SESN1: variants seen among roughly 807,000 people sequenced by gnomAD.
SESN1 encodes sestrin-1.
In SESN1, 30 loss-of-function variants were observed where a neutral mutation model predicts 59.3. The ratio of observed to expected loss-of-function variants is 0.51; its 90% CI spans 0.38 to 0.69. The LOEUF is 0.69. SESN1 is among the 30% of genes least tolerant of loss of function. SESN1 has a pLI of 0.00. For missense variants in SESN1, 566 were observed against 673.0 expected (o/e 0.84, Z 1.76); for synonymous variants, 197 against 219.9 (o/e 0.90, Z 0.92).
At chr6:108,992,980 A>G (rs930453135) in intron 6 of SESN1, 81 bp from the exon 7 acceptor site, 11 of 854,624 alleles carry the variant, frequency 1.3e-5, no homozygotes, top group Non-Finnish European at 2.1e-5. Flanking sequence ...TAAAAATGGC[A>G]TAACTCTTTC....
intron 1 of SESN1, among the ~76,000 whole-genome samples, chr6:109,057,639 T>C (rs887671455): frequency 5.9e-5 from 9 of 152,336 alleles, no homozygotes; most frequent in African/African-American, 2.2e-4. Flanking sequence ...CATTTAATGA[T>C]CCAGAAAAAA....
chr6:109,014,733 T>C (rs1779906513), intron 1 of SESN1, among the ~76,000 whole-genome samples: 1 of 152,192 alleles, frequency 6.6e-6, no homozygotes, highest in Non-Finnish European at 1.5e-5. Context: ...AGTGTCTCTT[T>C]CTGGGCCTTT....
At chr6:109,091,101 T>C (rs1281082407) in intron 1 of SESN1, among the ~76,000 whole-genome samples, 1 of 152,164 alleles carries the variant, frequency 6.6e-6, no homozygotes, top group Non-Finnish European at 1.5e-5. Context: ...GAAAAAATAA[T>C]CTTCCTATAA....
intron 1 of SESN1, among the ~76,000 whole-genome samples, chr6:109,030,376 G>A (rs908326201): frequency 6.6e-6 from 1 of 152,216 alleles, no homozygotes; most frequent in African/African-American, 2.4e-5. Context: ...TTATGTAAAG[G>A]TGTAGATTGC....
At chr6:109,022,477 C>A (rs1401029099) in intron 1 of SESN1, among the ~76,000 whole-genome samples, 1 of 120,188 alleles carries the variant, frequency 8.3e-6, no homozygotes, top group East Asian at 2.8e-4. Context: ...GGCTGGAGTG[C>A]AGTGGCGCGA....
chr6:109,074,533 A>G (rs2114469382), intron 1 of SESN1, among the ~76,000 whole-genome samples: 1 of 152,326 alleles, frequency 6.6e-6, no homozygotes, highest in South Asian at 2.1e-4. Context: ...GGGTAGCTCT[A>G]CAATAGCCAA....
At chr6:109,077,263 C>T (rs1350544676) in intron 1 of SESN1, among the ~76,000 whole-genome samples, 1 of 152,020 alleles carries the variant, frequency 6.6e-6, no homozygotes, top group African/African-American at 2.4e-5. Context: ...ATAATACATG[C>T]TCACTGTAAA....
chr6:109,046,242 C>A (rs1324055383), intron 1 of SESN1, among the ~76,000 whole-genome samples: 2 of 150,632 alleles, frequency 1.3e-5, no homozygotes, highest in Non-Finnish European at 3.0e-5. Flanking sequence ...TGCAGGCACG[C>A]GCCGCCACGC....
At chr6:108,989,570 G>T (rs1201632848) in intron 8 of SESN1, among the ~76,000 whole-genome samples, 1 of 125,122 alleles carries the variant, frequency 8.0e-6, no homozygotes, top group Admixed American at 7.5e-5. Context: ...TCTAGATCTA[G>T]AGATATCTAT....
At chr6:109,027,242 G>A (rs1252462117) in intron 1 of SESN1, among the ~76,000 whole-genome samples, 3 of 151,896 alleles carry the variant, frequency 2.0e-5, no homozygotes. Flanking sequence ...GGTGGCCGAG[G>A]TGGGCAGATT....
At chr6:108,990,458 A>G (rs533102373) in intron 8 of SESN1, among the ~76,000 whole-genome samples, 187 bp downstream of exon 8, 14 of 152,344 alleles carry the variant, frequency 9.2e-5, no homozygotes, top group African/African-American at 3.1e-4. Flanking sequence ...CTGCCTAGCT[A>G]GGAAAGAGAA....
Position 108,985,536 on chromosome 6 carries a change from T to A in SESN1, c.*2008A>T, listed in dbSNP as rs1308506230. ...AATGGAAGGCATTGAAACATTAACT[T>A]TGTATCACATGCACTTTTATTACTT... On this transcript the variant is annotated 3_prime_UTR_variant, in exon 10 of 10. Coordinates refer to ENST00000436639, the MANE Select transcript of SESN1 (RefSeq NM_014454.3). Among the ~76,000 whole-genome samples the A allele has an allele frequency of 6.6e-6, 1 of 152,224 alleles. No homozygotes were observed. The highest frequency in any genetic ancestry group is 1.9e-4 in the East Asian group (1 of 5,198).
intron 6 of SESN1, chr6:108,993,151 TTCTC>T (rs921499696): frequency 1.2e-4 from 44 of 360,702 alleles, no homozygotes; most frequent in African/African-American, 8.8e-4. Context: ...CATAGATCCT[TTCTC>T]TCTCCTCCCA....
Position 109,058,569 on chromosome 6 carries a change from T to G in SESN1, c.279+35226A>C, listed in dbSNP as rs886499117. ...GATCCCACATTGTCCTCCTAACTGC[T>G]TATCTCTCTCTAGATGCCAAAAGAT... On this transcript the variant is annotated intron_variant, in intron 1 of 9. Transcript: ENST00000436639. Among the ~76,000 whole-genome samples, 3 of 152,200 alleles carry G rather than the reference T, an allele frequency of 2.0e-5. No homozygotes were observed. The East Asian group carries it at 5.8e-4, about 29-fold the overall frequency.
Position 109,001,348 on chromosome 6 carries a change from G to A in SESN1, c.486C>T (p.His162=), listed in dbSNP as rs772665192. 1 of 1,613,852 alleles carries A rather than the reference G, an allele frequency of 6.2e-7. No homozygotes were observed. The highest frequency in any genetic ancestry group is 2.2e-5 in the East Asian group (1 of 44,870). ...QYLESFLKTQ[H]YLLQMDGPLP... ...ACGGCCCATCCATTTGCAGTAGATA[G>A]TGCTGAGTTTTTAAGAAACTTTCTA... The change falls in exon 3 of 10, where the codon CAC becomes CAT. Residue 162 remains histidine, a synonymous_variant. Coordinates refer to ENST00000436639, the MANE Select transcript of SESN1 (RefSeq NM_014454.3).
chr6:109,003,974 T>C (rs913771669), intron 1 of SESN1, among the ~76,000 whole-genome samples: 1 of 152,198 alleles, frequency 6.6e-6, no homozygotes, highest in Non-Finnish European at 1.5e-5. Flanking sequence ...TTTCAAGGGT[T>C]TATTACTGTT....
intron 1 of SESN1, among the ~76,000 whole-genome samples, chr6:109,089,460 A>G (rs1451895153): frequency 6.6e-6 from 1 of 152,212 alleles, no homozygotes; most frequent in Non-Finnish European, 1.5e-5. Flanking sequence ...AGCTATGTGG[A>G]GGATAGATAT....
At position 108,984,917 on chromosome 6, in the gene SESN1, A is replaced by AGAGT. The variant is rs1479381713; in HGVS notation, c.*2623_*2626dup. Among the ~76,000 whole-genome samples, 2 of 152,104 alleles carry AGAGT rather than the reference A, an allele frequency of 1.3e-5. No homozygotes were observed. Among genetic ancestry groups the AGAGT allele is most frequent in the African/African-American group, 4.8e-5 (2 of 41,412 alleles). ...TGCTGCAGTTTCCCAATTGGTTTCT[A>AGAGT]GAGTTCTCACAAAGATATTCTGGCC... is the stretch of plus-strand genomic sequence containing the variant. On this transcript the variant is annotated 3_prime_UTR_variant, in exon 10 of 10. Transcript: ENST00000436639.
intron 7 of SESN1, among the ~76,000 whole-genome samples, chr6:108,991,413 TA>T (rs1779382076): frequency 6.6e-6 from 1 of 152,198 alleles, no homozygotes; most frequent in Non-Finnish European, 1.5e-5. Flanking sequence ...TGGCTACTTT[TA>T]AAATTATTTG....
Sources: allele counts gnomAD v4.1 joint callset (sites outside exome capture counted in the v4.1 genomes callset), GRCh38; gene constraint gnomAD v4.1.1; transcripts MANE v1.5; gene names NCBI Gene and HGNC (gene_info 2026-07-23, HGNC 2026-07-21).